Variants in DDX10 observed in about 807,000 individuals in gnomAD.
DDX10 encodes the protein DEAD-box helicase 10.
DDX10 carries 74 observed loss-of-function variants against 104.3 expected under a neutral mutation model. The observed-to-expected ratio is 0.71, with a 90% CI of 0.59 to 0.86. The LOEUF (loss-of-function observed/expected upper bound fraction) is 0.86. DDX10 is among the 40% of genes least tolerant of loss of function. The pLI, the probability that DDX10 is intolerant of heterozygous loss-of-function variation, is 0.00. For synonymous variants in DDX10, 351 were observed against 353.4 expected (o/e 0.99, Z 0.08); for missense variants, 952 against 1,040.0 (o/e 0.92, Z 1.16).
chr11:108,714,557 G>A (rs779130397), intron 10 of DDX10, among the ~76,000 whole-genome samples: 16 of 149,714 alleles, frequency 1.1e-4, no homozygotes, highest in Non-Finnish European at 1.9e-4. Flanking sequence ...AGTCTTAAAC[G>A]GCCTTTTCTG....
chr11:108,823,113 C>A (rs1397011633), intron 13 of DDX10, among the ~76,000 whole-genome samples: 1 of 152,046 alleles, frequency 6.6e-6, no homozygotes, highest in Admixed American at 6.5e-5. Flanking sequence ...TGTAATAATT[C>A]CAGTGTTTTT....
chr11:108,801,959 T>C (rs889653071), intron 13 of DDX10, among the ~76,000 whole-genome samples: 2 of 151,812 alleles, frequency 1.3e-5, no homozygotes, highest in Admixed American at 6.6e-5. Context: ...ATTTGTAATT[T>C]TTTTTAAAAA....
chr11:108,912,367 T>C (rs1863691660), intron 16 of DDX10, among the ~76,000 whole-genome samples: 1 of 152,196 alleles, frequency 6.6e-6, no homozygotes, highest in Non-Finnish European at 1.5e-5. Context: ...TAGAGTCTAG[T>C]TGATTCTCCT....
chr11:108,882,573 A>T (rs1463113045), intron 16 of DDX10, among the ~76,000 whole-genome samples: 1 of 152,192 alleles, frequency 6.6e-6, no homozygotes, highest in Non-Finnish European at 1.5e-5. Context: ...TCTATAATGT[A>T]AGCAGTTAAT....
chr11:108,745,880 G>A (rs974297349), intron 13 of DDX10, among the ~76,000 whole-genome samples: 5 of 152,072 alleles, frequency 3.3e-5, no homozygotes, highest in African/African-American at 7.2e-5. Flanking sequence ...TTCTTTTAGT[G>A]TGTCTTGTTC....
chr11:108,683,324 A>C (rs903424025), intron 6 of DDX10, among the ~76,000 whole-genome samples: 1 of 152,150 alleles, frequency 6.6e-6, no homozygotes, highest in Non-Finnish European at 1.5e-5. Flanking sequence ...AAATTGTATG[A>C]AAAATTTTAG....
chr11:108,800,297 T>C (rs61914042), intron 13 of DDX10, among the ~76,000 whole-genome samples: 18 of 130,746 alleles, frequency 1.4e-4, no homozygotes, highest in Admixed American at 3.8e-4. Flanking sequence ...AAAAAAAAAT[T>C]AGCCAGGCAT....
At chr11:108,811,174 G>A (rs1023784159) in intron 13 of DDX10, among the ~76,000 whole-genome samples, 3 of 152,306 alleles carry the variant, frequency 2.0e-5, no homozygotes, top group African/African-American at 7.2e-5. Context: ...CAGTGTGTGT[G>A]TATACTGGGG....
chr11:108,840,383 A>G (rs79573524), intron 14 of DDX10, among the ~76,000 whole-genome samples: 2,963 of 152,168 alleles, frequency 0.019, 56 homozygotes, highest in Non-Finnish European at 0.029. Flanking sequence ...AATGGTAGTT[A>G]TTTAAATCTT....
At chr11:108,727,545 T>C (rs2094306833) in intron 13 of DDX10, among the ~76,000 whole-genome samples, 1 of 152,208 alleles carries the variant, frequency 6.6e-6, no homozygotes, top group African/African-American at 2.4e-5. Flanking sequence ...GTAAAAATAC[T>C]CAGAATTTTA....
intron 13 of DDX10, among the ~76,000 whole-genome samples, chr11:108,829,796 A>G (rs1351944376): frequency 6.6e-6 from 1 of 152,166 alleles, no homozygotes; most frequent in African/African-American, 2.4e-5. Flanking sequence ...ATTCTCCTAC[A>G]TGTGGCTTGC....
rs1355973410 is a variant in DDX10 at position 108,940,541 on chromosome 11, A to G, written c.*118A>G. ...CATATGCCCCATTCCCAAAGGGCAC[A>G]TTTCTGGATAGAAGCGATCGTATCT... On this transcript the variant is annotated 3_prime_UTR_variant, in exon 18 of 18. Coordinates refer to ENST00000322536, the MANE Select transcript of DDX10 (RefSeq NM_004398.4). 2.0e-6 allele frequency: 2 copies of G among 977,458 alleles called. No individual in the cohort carries two copies. Among genetic ancestry groups the G allele is most frequent in the Non-Finnish European group, 3.0e-6 (2 of 669,082 alleles). 60.5% of individuals were successfully genotyped at this position (977,458 alleles called of 1,614,324 possible).
chr11:108,708,187 C>T (rs1397254085), intron 10 of DDX10, among the ~76,000 whole-genome samples: 8 of 146,430 alleles, frequency 5.5e-5, no homozygotes, highest in Non-Finnish European at 1.2e-4. Context: ...AGGAAATTGT[C>T]CTCTATTCCT....
chr11:108,879,073 G>A (rs1319672934), intron 16 of DDX10, among the ~76,000 whole-genome samples: 1 of 151,944 alleles, frequency 6.6e-6, no homozygotes, highest in African/African-American at 2.4e-5. Flanking sequence ...GCGCGATCTC[G>A]GCTCACTGCA....
At chr11:108,773,467 ATTG>A (rs767655186) in intron 13 of DDX10, among the ~76,000 whole-genome samples, 4 of 152,096 alleles carry the variant, frequency 2.6e-5, no homozygotes, top group Non-Finnish European at 5.9e-5. Context: ...TTTTTTATTT[ATTG>A]TTCTATTCTT....
Position 108,723,060 on chromosome 11 carries a change from C to T in DDX10, c.1563C>T (p.Thr521=), listed in dbSNP as rs61755348. The change falls in exon 13 of 18, where the codon ACC becomes ACT. Residue 521 remains threonine (T), a synonymous_variant. Transcript: ENST00000322536. ...RFLQKMQKQP[T]KELVRSQADK... Reference sequence around the variant, plus strand: ...TTCAGAAAATGCAGAAACAACCCACCAAAGAATTGGTAAGGAGCCAAGCCG... The same window carrying T: ...TTCAGAAAATGCAGAAACAACCCACTAAAGAATTGGTAAGGAGCCAAGCCG... 5.7e-3 allele frequency: 9,238 copies of T among 1,612,586 alleles called. 49 individuals carry two copies. The highest frequency in any genetic ancestry group is 6.9e-3 in the South Asian group (627 of 90,828).
At chr11:108,865,762 C>T (rs969358379) in intron 16 of DDX10, among the ~76,000 whole-genome samples, 7 of 152,032 alleles carry the variant, frequency 4.6e-5, no homozygotes, top group African/African-American at 1.7e-4. Flanking sequence ...ACGCATATTT[C>T]TTGAGTGCCC....
intron 10 of DDX10, 104 bp downstream of exon 10, chr11:108,706,941 T>A (rs1417523441): frequency 3.2e-5 from 29 of 897,954 alleles, no homozygotes. Flanking sequence ...TTTATTCAAC[T>A]GCCTGGTTTG....
At chr11:108,898,178 T>C (rs568732784) in intron 16 of DDX10, among the ~76,000 whole-genome samples, 1 of 152,084 alleles carries the variant, frequency 6.6e-6, no homozygotes, top group Non-Finnish European at 1.5e-5. Flanking sequence ...TGACACTGGG[T>C]AGGCCCACCT....
Sources: allele counts gnomAD v4.1 joint callset (sites outside exome capture counted in the v4.1 genomes callset), GRCh38; gene constraint gnomAD v4.1.1; transcripts MANE v1.5; gene names NCBI Gene and HGNC (gene_info 2026-07-23, HGNC 2026-07-21).